DMXL1: variants seen among roughly 807,000 people sequenced by gnomAD.
The protein encoded by DMXL1 is dmX-like protein 1.
Under a neutral mutation model 319.2 loss-of-function variants are expected in DMXL1, and 99 were observed. That is an observed-to-expected ratio of 0.31 (90% CI 0.26 to 0.37). DMXL1 has a LOEUF of 0.37. Among genes scored for constraint, DMXL1 ranks in the 10% least tolerant of loss-of-function variants. The pLI is 1.00. For synonymous variants in DMXL1, 1,385 were observed against 1,235.2 expected, an observed-to-expected ratio of 1.12 and a Z score of -2.54; for missense variants, 3,745 against 3,595.6, an observed-to-expected ratio of 1.04 and a Z score of -1.06.
chr5:119,215,460 A>G (rs1227529991), intron 34 of DMXL1, among the ~76,000 whole-genome samples: 1 of 152,074 alleles, frequency 6.6e-6, no homozygotes, highest in South Asian at 2.1e-4. Flanking sequence ...GATGCGCACC[A>G]TCACGCCTGG....
intron 19 of DMXL1, among the ~76,000 whole-genome samples, chr5:119,159,653 CTTGCTCTG>C (rs1337941152): frequency 5.3e-5 from 8 of 152,340 alleles, no homozygotes; most frequent in African/African-American, 1.7e-4. Context: ...GAGATAGAGT[CTTGCTCTG>C]TCGCCCAGGC....
intron 38 of DMXL1, among the ~76,000 whole-genome samples, chr5:119,229,694 A>AT (rs1258980217): frequency 6.6e-6 from 1 of 152,122 alleles, no homozygotes; most frequent in Non-Finnish European, 1.5e-5. Context: ...TTATTTATCT[A>AT]TTTTCAGTAG....
intron 23 of DMXL1, among the ~76,000 whole-genome samples, chr5:119,168,530 G>A (rs1773893681): frequency 6.6e-6 from 1 of 152,190 alleles, no homozygotes. Context: ...CTAGTTCATA[G>A]ATTTTTATGT....
chr5:119,207,299 T>TA lies in DMXL1; in HGVS notation c.7926+409dup, dbSNP rs564133067. 2.7e-3 allele frequency among the ~76,000 whole-genome samples: 411 copies of TA among 152,242 alleles called. 2 individuals are homozygous for TA. The highest frequency in any genetic ancestry group is 9.1e-3 in the African/African-American group (379 of 41,540). On this transcript the variant is annotated intron_variant, in intron 34 of 43. Coordinates refer to ENST00000539542, the MANE Select transcript of DMXL1 (RefSeq NM_001290321.3). ...TTAATGATATTAAAATTAATGATAT[T>TA]AAAAAATTCAAATTAGGAATTAATA...
At chr5:119,123,084 C>T (rs1032022768) in intron 9 of DMXL1, among the ~76,000 whole-genome samples, 19 of 152,080 alleles carry the variant, frequency 1.2e-4, no homozygotes, top group African/African-American at 4.1e-4. Flanking sequence ...GTGGATCACT[C>T]GTGGTTAGGA....
chr5:119,106,465 A>G lies in DMXL1; in HGVS notation c.364+1207A>G, dbSNP rs193196831. ...AGTGAGGGAAGGCACAGAGAGAGAA[A>G]GCATAAGATACATTATAATAAGGAT... On this transcript the variant is annotated intron_variant, in intron 4 of 43. Transcript: ENST00000539542. 1.9e-3 allele frequency among the ~76,000 whole-genome samples: 282 copies of G among 152,312 alleles called. 1 individual carries two copies. The highest frequency in any genetic ancestry group is 6.6e-3 in the African/African-American group (274 of 41,552).
intron 22 of DMXL1, 42 bp downstream of exon 22, chr5:119,166,823 CT>C (rs761293384): frequency 6.6e-7 from 1 of 1,504,662 alleles, no homozygotes; most frequent in South Asian, 1.3e-5. Context: ...GCAATGTCAT[CT>C]TTTAAAGCTC....
intron 19 of DMXL1, among the ~76,000 whole-genome samples, chr5:119,163,162 T>C (rs1309941062): frequency 6.6e-6 from 1 of 152,208 alleles, no homozygotes; most frequent in Non-Finnish European, 1.5e-5. Context: ...GTGTGCCAGA[T>C]TCTATTCTAA....
At chr5:119,177,920 A>G (rs1447222052) in intron 27 of DMXL1, 76 bp from the exon 28 acceptor site, 4 of 1,328,974 alleles carry the variant, frequency 3.0e-6, no homozygotes, top group Non-Finnish European at 4.0e-6. Context: ...TTTTCCTGAA[A>G]TTAGAAAAAT....
At chr5:119,212,926 T>A (rs1339109256) in intron 34 of DMXL1, among the ~76,000 whole-genome samples, 2 of 152,170 alleles carry the variant, frequency 1.3e-5, no homozygotes, top group Non-Finnish European at 2.9e-5. Context: ...CTTGCAAACA[T>A]CCTTATCCCT....
chr5:119,110,802 A>T (rs537236202), intron 5 of DMXL1, among the ~76,000 whole-genome samples: 1 of 152,320 alleles, frequency 6.6e-6, no homozygotes, highest in South Asian at 2.1e-4. Context: ...TTTGTTATTG[A>T]TGTAGGAACA....
chr5:119,146,914 C>A lies in DMXL1; in HGVS notation c.2647C>A (p.His883Asn). ...ECTQDNRSLL[H>N]MWNLHLKSIP... The stretch of plus-strand genomic sequence containing the variant: ...CACTCAAGACAACCGTTCACTGTTA[C>A]ACATGTGGAATTTACATCTAAAGTC... Residue 883 changes from histidine to asparagine, a missense_variant, in exon 16 of 44, where the codon CAC becomes AAC. Physicochemically the swap from His to Asn is moderately conservative, Grantham distance 68 (BLOSUM62 1). Transcript: ENST00000539542. The A allele has an allele frequency of 6.2e-7, 1 of 1,612,316 alleles. No homozygotes were observed. Among genetic ancestry groups the A allele is most frequent in the Non-Finnish European group, 8.5e-7 (1 of 1,178,988 alleles).
At chr5:119,123,608 T>C (rs1762803900) in intron 9 of DMXL1, among the ~76,000 whole-genome samples, 1 of 152,150 alleles carries the variant, frequency 6.6e-6, no homozygotes, top group Non-Finnish European at 1.5e-5. Context: ...AAAATTGATA[T>C]TTGAACTGTT....
Position 119,196,463 on chromosome 5 carries a change from A to G in DMXL1, c.7543+7A>G. 1 of 1,604,742 alleles carries G rather than the reference A, an allele frequency of 6.2e-7. No homozygotes were observed. The highest frequency in any genetic ancestry group is 8.5e-7 in the Non-Finnish European group (1 of 1,172,450). On this transcript the variant is annotated splice_region_variant and intron_variant, in intron 31 of 43. Coordinates refer to ENST00000539542, the MANE Select transcript of DMXL1 (RefSeq NM_001290321.3). ...GCAGGTCATGATCTTGCAGGTAATA[A>G]ATAGCTCAACATGAGCTAATGGTGC... is the stretch of plus-strand genomic sequence containing the variant.
At chr5:119,176,783 T>C (rs1775882081) in intron 26 of DMXL1, among the ~76,000 whole-genome samples, 1 of 152,138 alleles carries the variant, frequency 6.6e-6, no homozygotes, top group Non-Finnish European at 1.5e-5. Context: ...TTCATTCATC[T>C]GTTAGTCTTA....
intron 13 of DMXL1, among the ~76,000 whole-genome samples, chr5:119,137,027 C>CTT (rs1766158469): frequency 3.3e-5 from 5 of 152,202 alleles, no homozygotes; most frequent in African/African-American, 4.8e-5. Context: ...GCACCATGTG[C>CTT]CTGGAAAAGC....
intron 37 of DMXL1, among the ~76,000 whole-genome samples, chr5:119,221,971 G>A (rs966890260): frequency 2.0e-5 from 3 of 151,614 alleles, no homozygotes; most frequent in East Asian, 1.9e-4. Context: ...ACTAATGAAC[G>A]GATTTGAAGA....
At chr5:119,196,255 T>C (rs1238677992) in intron 30 of DMXL1, 116 bp from the exon 31 acceptor site, 13 of 761,758 alleles carry the variant, frequency 1.7e-5, no homozygotes, top group Non-Finnish European at 3.0e-5. Context: ...TTTGTTTTCA[T>C]AGAGGGGTAT....
chr5:119,213,990 T>C (rs549592483), intron 34 of DMXL1, among the ~76,000 whole-genome samples: 2 of 152,212 alleles, frequency 1.3e-5, no homozygotes, highest in African/African-American at 2.4e-5. Context: ...CCTTGAAATA[T>C]TGGTTGCCCC....
Sources: allele counts gnomAD v4.1 joint callset (sites outside exome capture counted in the v4.1 genomes callset), GRCh38; gene constraint gnomAD v4.1.1; transcripts MANE v1.5; gene names NCBI Gene and HGNC (gene_info 2026-07-23, HGNC 2026-07-21).